PDE4B: variants seen among roughly 807,000 people sequenced by gnomAD.
PDE4B encodes phosphodiesterase 4B.
In PDE4B, 20 loss-of-function variants were observed where a neutral mutation model predicts 82.2. That is an observed-to-expected ratio of 0.24 (90% confidence interval 0.17 to 0.35). The LOEUF is 0.35. Ranked by LOEUF, PDE4B falls within the 10% of genes least tolerant of loss-of-function variation. The pLI is 1.00. For synonymous variants in PDE4B, 320 were observed against 318.9 expected, an observed-to-expected ratio of 1.00 and a Z score of -0.04; for missense variants, 655 against 907.2, an observed-to-expected ratio of 0.72 and a Z score of 3.57.
At chr1:65,974,172 A>G (rs1569860650) in intron 3 of PDE4B, among the ~76,000 whole-genome samples, 1 of 152,124 alleles carries the variant, frequency 6.6e-6, no homozygotes, top group African/African-American at 2.4e-5. Context: ...CTCTTTTCCA[A>G]TTTCTACTTA....
intron 3 of PDE4B, among the ~76,000 whole-genome samples, chr1:66,186,558 A>G (rs561695003): frequency 3.6e-4 from 55 of 152,160 alleles, no homozygotes; most frequent in Admixed American, 2.3e-3. Context: ...CACGTCCCTT[A>G]TAAGTTGGAT....
intron 7 of PDE4B, among the ~76,000 whole-genome samples, chr1:66,307,032 A>G (rs935600882): frequency 6.6e-6 from 1 of 152,166 alleles, no homozygotes; most frequent in Admixed American, 6.6e-5. Context: ...GTCAAATGTG[A>G]CAGATGACAA....
At chr1:66,252,641 G>A (rs763685702) in intron 4 of PDE4B, among the ~76,000 whole-genome samples, 8 of 152,170 alleles carry the variant, frequency 5.3e-5, no homozygotes, top group African/African-American at 1.7e-4. Flanking sequence ...TGGCTTTTGC[G>A]CCATTGTGAA....
At chr1:66,251,474 TTCTC>T (rs1653768101) in intron 4 of PDE4B, among the ~76,000 whole-genome samples, 6 of 152,332 alleles carry the variant, frequency 3.9e-5, no homozygotes, top group African/African-American at 1.4e-4. Context: ...ATCATATTCA[TTCTC>T]TCTTTTAATA....
chr1:65,997,362 T>G (rs1272223238), intron 3 of PDE4B, among the ~76,000 whole-genome samples: 1 of 152,168 alleles, frequency 6.6e-6, no homozygotes, highest in Admixed American at 6.5e-5. Flanking sequence ...TAACAAAGGT[T>G]TATGAAGTCT....
chr1:66,041,216 C>T (rs1027703012), intron 3 of PDE4B, among the ~76,000 whole-genome samples: 6 of 151,872 alleles, frequency 4.0e-5, no homozygotes, highest in Non-Finnish European at 7.4e-5. Context: ...GGCTTACTTC[C>T]TGCTTAGTGA....
chr1:65,854,418 T>C (rs1013095983), intron 1 of PDE4B, among the ~76,000 whole-genome samples: 2 of 151,834 alleles, frequency 1.3e-5, no homozygotes, highest in Non-Finnish European at 2.9e-5. Flanking sequence ...ACGTATCCTA[T>C]AGTGCATACC....
chr1:65,947,175 C>A (rs1272494860), intron 3 of PDE4B, among the ~76,000 whole-genome samples: 2 of 152,032 alleles, frequency 1.3e-5, no homozygotes, highest in African/African-American at 4.8e-5. Context: ...TGACAAAGAG[C>A]AGGAGAATTA....
chr1:66,102,495 T>G (rs1036142370), intron 3 of PDE4B, among the ~76,000 whole-genome samples: 2 of 152,076 alleles, frequency 1.3e-5, no homozygotes, highest in African/African-American at 4.8e-5. Context: ...TTAGAGATGT[T>G]GATGTTTTGG....
intron 3 of PDE4B, among the ~76,000 whole-genome samples, chr1:66,030,256 T>C (rs1363691022): frequency 6.6e-6 from 1 of 152,172 alleles, no homozygotes; most frequent in Non-Finnish European, 1.5e-5. Flanking sequence ...GGTTTTCTAG[T>C]ATTCTGTTGA....
chr1:66,221,275 A>G (rs1650964181), intron 3 of PDE4B, among the ~76,000 whole-genome samples: 2 of 152,130 alleles, frequency 1.3e-5, no homozygotes, highest in South Asian at 4.1e-4. Context: ...AATTCCACAG[A>G]TAGGGCATCT....
In PDE4B at chr1:65,793,213, G is replaced by C. The variant is rs1342121601; in HGVS notation, c.-106G>C. 6.6e-6 allele frequency: 1 copy of C among 152,424 alleles called. No homozygotes were observed. The highest frequency in any genetic ancestry group is 2.4e-5 in the African/African-American group (1 of 41,464). 9.4% of individuals were successfully genotyped at this position (152,424 alleles called of 1,614,324 possible). A position where few individuals can be genotyped will look rare whatever the true frequency, so the allele number is the denominator to read the frequency against. On this transcript the variant is annotated 5_prime_UTR_variant, in exon 1 of 17. Transcript: ENST00000341517. ...CGGCGGTGCAGCAGAGGCGCCTCGG[G>C]CAGGAGGAGGGCGGCTTCTGCGAGG... is the stretch of plus-strand genomic sequence containing the variant.
In PDE4B at chr1:65,940,284, C is replaced by T. The variant is rs140434675; in HGVS notation, c.281+21449C>T. Among the ~76,000 whole-genome samples the T allele has an allele frequency of 3.8e-3, 574 of 151,700 alleles. 2 individuals carry two copies. The highest frequency in any genetic ancestry group is 0.013 in the African/African-American group (522 of 41,358). On this transcript the variant is annotated intron_variant, in intron 3 of 16. Transcript: ENST00000341517. ...TATATCTTCATAGGAGAAAAAAGGCCGGGGTGAATGGAGAATGGAAAGCGC... is the reference window on the plus strand; with the variant it reads ...TATATCTTCATAGGAGAAAAAAGGCTGGGGTGAATGGAGAATGGAAAGCGC...
intron 9 of PDE4B, among the ~76,000 whole-genome samples, chr1:66,359,141 T>C (rs1305179471): frequency 6.6e-6 from 1 of 152,242 alleles, no homozygotes; most frequent in Non-Finnish European, 1.5e-5. Context: ...AGAAAAGTTA[T>C]CCTTTTAAAT....
At chr1:65,989,406 C>A (rs1442160456) in intron 3 of PDE4B, among the ~76,000 whole-genome samples, 1 of 152,006 alleles carries the variant, frequency 6.6e-6, no homozygotes. Context: ...GAGGTAGGAT[C>A]GCTTGAACCC....
intron 1 of PDE4B, among the ~76,000 whole-genome samples, chr1:65,842,563 T>G (rs1045721836): frequency 2.0e-5 from 3 of 152,166 alleles, no homozygotes; most frequent in African/African-American, 7.2e-5. Context: ...CAGCAGATAT[T>G]TATTGTTACT....
chr1:66,331,820 T>A, intron 7 of PDE4B: 1 of 985,270 alleles, frequency 1.0e-6, no homozygotes, highest in Non-Finnish European at 1.2e-6. Flanking sequence ...GACAGCTTCT[T>A]TTAGACTGGA....
intron 3 of PDE4B, among the ~76,000 whole-genome samples, chr1:66,126,404 T>C (rs1419092770): frequency 6.6e-6 from 1 of 152,226 alleles, no homozygotes; most frequent in East Asian, 1.9e-4. Flanking sequence ...GTATTTACTC[T>C]ATGTACCCCC....
intron 1 of PDE4B, among the ~76,000 whole-genome samples, chr1:65,829,843 A>C (rs1646062032): frequency 6.6e-6 from 1 of 152,194 alleles, no homozygotes; most frequent in African/African-American, 2.4e-5. Context: ...TGTTGGTACG[A>C]TCTCATGTTT....
Sources: gnomAD v4.1 joint callset for allele counts (sites outside exome capture counted in the v4.1 genomes callset) on GRCh38, gnomAD v4.1.1 for gene constraint, MANE v1.5 for transcripts, NCBI Gene and HGNC (gene_info 2026-07-23, HGNC 2026-07-21) for gene names.